The following XXYLT1 variants were observed in gnomAD, a reference collection of about 807,000 sequenced individuals.
XXYLT1 encodes UDP-xylose:alpha-xyloside alpha-1,3-xylosyltransferase.
Under a neutral mutation model 28.9 loss-of-function variants are expected in XXYLT1, and 20 were observed. The ratio of observed to expected loss-of-function variants is 0.69; its 90% CI spans 0.49 to 1.00. The LOEUF (loss-of-function observed/expected upper bound fraction) is 1.00. XXYLT1 is among the 50% of genes least tolerant of loss of function. The pLI is 0.00. For missense variants in XXYLT1, 542 were observed against 560.1 expected (o/e 0.97, Z 0.33); for synonymous variants, 257 against 253.8 (o/e 1.01, Z -0.12).
intron 2 of XXYLT1, among the ~76,000 whole-genome samples, chr3:195,181,942 A>C (rs1406824051): frequency 1.3e-5 from 2 of 152,198 alleles, no homozygotes; most frequent in African/African-American, 4.8e-5. Flanking sequence ...ATGCTACTAC[A>C]AACACACTTT....
chr3:195,104,539 G>C (rs774954295), intron 3 of XXYLT1, among the ~76,000 whole-genome samples: 6 of 152,156 alleles, frequency 3.9e-5, no homozygotes, highest in Non-Finnish European at 5.9e-5. Context: ...CACTGAGCAG[G>C]GGATCACAAC....
At position 195,226,882 on chromosome 3, in the gene XXYLT1, G is replaced by C. The variant is rs1405917565; in HGVS notation, c.505-26C>G. ...CTGCAGCAGGTGCAAAAAAAACCAA[G>C]GCTCAGCAAACCAGTTCTCACTGCA... On this transcript the variant is annotated intron_variant, in intron 1 of 3. Coordinates refer to ENST00000310380, the MANE Select transcript of XXYLT1 (RefSeq NM_152531.5). The C allele has an allele frequency of 3.1e-6, 5 of 1,610,618 alleles. No homozygotes were observed. In the East Asian group the frequency reaches 1.1e-4, roughly 36 times the overall value.
chr3:195,103,396 G>A (rs111976225), intron 3 of XXYLT1, among the ~76,000 whole-genome samples: 94 of 143,858 alleles, frequency 6.5e-4, no homozygotes, highest in Middle Eastern at 3.6e-3. Flanking sequence ...CACGCCAGCG[G>A]CCTGCGTCCA....
At position 195,241,750 on chromosome 3, in the gene XXYLT1, T is replaced by G. The variant is rs554646277; in HGVS notation, c.505-14894A>C. On this transcript the variant is annotated intron_variant, in intron 1 of 3. Coordinates refer to ENST00000310380, the MANE Select transcript of XXYLT1 (RefSeq NM_152531.5). ...TCAGTTCAAACGTCACCTCCAGAGA[T>G]TTTCCCTCACCAAAAAAGTAGCTAC... 3.3e-5 allele frequency among the ~76,000 whole-genome samples: 5 copies of G among 150,508 alleles called. No individual in the cohort carries two copies. In the East Asian group the frequency reaches 9.7e-4, roughly 29 times the overall value.
intron 2 of XXYLT1, among the ~76,000 whole-genome samples, chr3:195,172,243 G>C (rs1039039142): frequency 6.6e-6 from 1 of 152,166 alleles, no homozygotes; most frequent in Non-Finnish European, 1.5e-5. Flanking sequence ...ACTGCACCAA[G>C]GTTTCCTCCT....
Position 195,270,600 on chromosome 3 carries a change from G to A in XXYLT1, c.459C>T (p.Gly153=), listed in dbSNP as rs1387309104. 4.2e-6 allele frequency: 6 copies of A among 1,423,904 alleles called. No homozygotes were observed. The highest frequency in any genetic ancestry group is 2.7e-5 in the Admixed American group (1 of 36,434). 88.2% of individuals were successfully genotyped at this position (1,423,904 alleles called of 1,614,324 possible). Residue 153 remains glycine, a synonymous_variant, in exon 1 of 4, where the codon GGC becomes GGT. Transcript: ENST00000310380. ...CGGGCGGCAGGAGCTCCCGCAGCAG[G>A]CCCTTGGCCACCTCGCGGCTGGCCT... ...SEEASREVAK[G]LLRELLPPAA... is the part of the protein sequence containing the mutation.
At chr3:195,130,097 T>C (rs1248053586) in intron 3 of XXYLT1, among the ~76,000 whole-genome samples, 2 of 152,264 alleles carry the variant, frequency 1.3e-5, no homozygotes, top group East Asian at 3.8e-4. Flanking sequence ...TGTGTGCTTT[T>C]TAGCCATTTG....
At position 195,115,204 on chromosome 3, in the gene XXYLT1, C is replaced by T. The variant is rs1717982899; in HGVS notation, c.785+41245G>A. 1.3e-5 allele frequency among the ~76,000 whole-genome samples: 2 copies of T among 152,208 alleles called. No homozygotes were observed. The highest frequency in any genetic ancestry group is 2.9e-5 in the Non-Finnish European group (2 of 68,036). On this transcript the variant is annotated intron_variant, in intron 3 of 3. Coordinates refer to ENST00000310380, the MANE Select transcript of XXYLT1 (RefSeq NM_152531.5). The surrounding 1 kb of genome is among the most constrained non-coding windows in gnomAD (Gnocchi z 4.2). ...TGAGACGTGCCCGGTGAGAATGTGG[C>T]TTCTGGCTGTCACTGCTGGTTAGAC...
chr3:195,181,696 G>A (rs534554261), intron 2 of XXYLT1, among the ~76,000 whole-genome samples: 1 of 152,284 alleles, frequency 6.6e-6, no homozygotes, highest in South Asian at 2.1e-4. Context: ...TTGGGCCCAA[G>A]TGGTTAAGTG....
In XXYLT1 at chr3:195,256,535, G is replaced by T; in HGVS notation, c.504+14020C>A. 2.0e-6 allele frequency: 2 copies of T among 985,408 alleles called. No homozygotes were observed. Among genetic ancestry groups the T allele is most frequent in the Non-Finnish European group, 2.4e-6 (2 of 829,930 alleles). 61.0% of individuals were successfully genotyped at this position (985,408 alleles called of 1,614,324 possible). On this transcript the variant is annotated intron_variant, in intron 1 of 3. Coordinates refer to ENST00000310380, the MANE Select transcript of XXYLT1 (RefSeq NM_152531.5). This position sits in a 1 kb window ranked among gnomAD's most constrained non-coding sequence, Gnocchi z 4.2. ...GTCATTCCAGGGATTATCCCAGAAA[G>T]AGGGGAAGAGCAGCCTCCTCACACC... is the stretch of plus-strand genomic sequence containing the variant.
At chr3:195,175,063 T>C (rs780654584) in intron 2 of XXYLT1, among the ~76,000 whole-genome samples, 2 of 152,170 alleles carry the variant, frequency 1.3e-5, no homozygotes, top group Non-Finnish European at 2.9e-5. Flanking sequence ...CAGAACCAGG[T>C]TCACTTGGTA....
At position 195,176,316 on chromosome 3, in the gene XXYLT1, A is replaced by G. The variant is rs1260155769; in HGVS notation, c.653-19735T>C. ...ACATTCCAGTAATGACCTGAAAGGG[A>G]GAAGAGGTGACGTTCCCCTGCCCTG... On this transcript the variant is annotated intron_variant, in intron 2 of 3. Transcript: ENST00000310380. The surrounding 1 kb of genome is among the most constrained non-coding windows in gnomAD (Gnocchi z 4.9). 1.3e-5 allele frequency among the ~76,000 whole-genome samples: 2 copies of G among 152,188 alleles called. No homozygotes were observed. The highest frequency in any genetic ancestry group is 4.8e-5 in the African/African-American group (2 of 41,438).
At position 195,245,685 on chromosome 3, in the gene XXYLT1, G is replaced by C. The variant is rs774117967; in HGVS notation, c.505-18829C>G. Among the ~76,000 whole-genome samples the C allele has an allele frequency of 4.3e-4, 66 of 152,342 alleles. 1 individual carries two copies. The highest frequency in any genetic ancestry group is 1.8e-3 in the Admixed American group (27 of 15,308). On this transcript the variant is annotated intron_variant, in intron 1 of 3. Transcript: ENST00000310380. ...ATTCGCAACGCCGGACTGGGGCCTG[G>C]TGGGAGGTACGGAATCATGGGGGCG... is the stretch of plus-strand genomic sequence containing the variant.
At chr3:195,254,040 C>T (rs1725381497) in intron 1 of XXYLT1, among the ~76,000 whole-genome samples, 1 of 152,158 alleles carries the variant, frequency 6.6e-6, no homozygotes. Flanking sequence ...CAGGGGGCAC[C>T]CCCACTGGGG....
rs1724730856 is a variant in XXYLT1, at chr3:195,240,539, G to A, written c.505-13683C>T. Among the ~76,000 whole-genome samples, 1 of 152,264 alleles carries A rather than the reference G, an allele frequency of 6.6e-6. No homozygotes were observed. The highest frequency in any genetic ancestry group is 2.1e-4 in the South Asian group (1 of 4,832). ...ACACTCCTGAGCCAAGAAGGCACGT[G>A]GCAAGGGCTGGCCCCACGCACGGAA... On this transcript the variant is annotated intron_variant, in intron 1 of 3. Coordinates refer to ENST00000310380, the MANE Select transcript of XXYLT1 (RefSeq NM_152531.5). The surrounding 1 kb of genome is among the most constrained non-coding windows in gnomAD (Gnocchi z 4.7).
At chr3:195,200,474 A>G (rs1461104355) in intron 2 of XXYLT1, among the ~76,000 whole-genome samples, 1 of 152,212 alleles carries the variant, frequency 6.6e-6, no homozygotes. Flanking sequence ...CTTCTCTGGA[A>G]TCAAGCCTGG....
chr3:195,206,610 A>C (rs948627708), intron 2 of XXYLT1, among the ~76,000 whole-genome samples: 1 of 151,806 alleles, frequency 6.6e-6, no homozygotes, highest in Non-Finnish European at 1.5e-5. Flanking sequence ...CTCTACTAAA[A>C]ATACAAAAAT....
rs1722579005 is a variant in XXYLT1, at chr3:195,195,283, T to G, written c.652+31426A>C. Among the ~76,000 whole-genome samples the G allele has an allele frequency of 6.6e-6, 1 of 152,214 alleles. No homozygotes were observed. ...ACAATGCCTGGGTCTCAGTAAGCCTTCTGTATTAGCAGTTATTATTATTAC... is the reference window on the plus strand; with the variant it reads ...ACAATGCCTGGGTCTCAGTAAGCCTGCTGTATTAGCAGTTATTATTATTAC... On this transcript the variant is annotated intron_variant, in intron 2 of 3. Coordinates refer to ENST00000310380, the MANE Select transcript of XXYLT1 (RefSeq NM_152531.5). The surrounding 1 kb of genome is among the most constrained non-coding windows in gnomAD (Gnocchi z 4.4).
chr3:195,127,557 C>G (rs1718700476), intron 3 of XXYLT1, among the ~76,000 whole-genome samples: 1 of 152,202 alleles, frequency 6.6e-6, no homozygotes, highest in African/African-American at 2.4e-5. Context: ...AGGAGGATTA[C>G]TTGAGCCCAG....
Sources: allele counts gnomAD v4.1 joint callset (sites outside exome capture counted in the v4.1 genomes callset), GRCh38; gene constraint gnomAD v4.1.1; non-coding constraint Gnocchi (gnomAD v3.1); transcripts MANE v1.5; gene names NCBI Gene and HGNC (gene_info 2026-07-23, HGNC 2026-07-21).